Variants in TBCK observed in about 807,000 individuals in gnomAD.
The protein encoded by TBCK is TBC domain-containing protein kinase-like protein.
Under a neutral mutation model 113.4 loss-of-function variants are expected in TBCK, and 99 were observed. The ratio of observed to expected loss-of-function variants is 0.87; its 90% CI spans 0.74 to 1.03. The LOEUF is 1.03. TBCK is among the 50% of genes least tolerant of loss of function. The pLI is 0.00. For missense variants in TBCK, 1,045 were observed against 1,061.3 expected (o/e 0.98, Z 0.21); for synonymous variants, 369 against 370.8 (o/e 1.00, Z 0.05).
intron 22 of TBCK, among the ~76,000 whole-genome samples, chr4:106,188,777 GTATT>G (rs1446425709): frequency 6.6e-6 from 1 of 152,094 alleles, no homozygotes; most frequent in African/African-American, 2.4e-5. Flanking sequence ...ACTTTATAAA[GTATT>G]TACATGTTGC....
At chr4:106,104,981 G>C (rs1303671994) in intron 24 of TBCK, among the ~76,000 whole-genome samples, 2 of 152,172 alleles carry the variant, frequency 1.3e-5, no homozygotes, top group African/African-American at 4.8e-5. Context: ...CAGGCCTGGG[G>C]TTCCAGCCAC....
chr4:106,127,986 C>T (rs1346433606), intron 23 of TBCK, among the ~76,000 whole-genome samples: 1 of 152,124 alleles, frequency 6.6e-6, no homozygotes, highest in Non-Finnish European at 1.5e-5. Flanking sequence ...CATGCGTGCA[C>T]ACACCACCCC....
At chr4:106,095,395 G>A in intron 25 of TBCK, 87 bp downstream of exon 25, 1 of 1,278,576 alleles carries the variant, frequency 7.8e-7, no homozygotes, top group South Asian at 1.7e-5. Flanking sequence ...ACCAACTCCT[G>A]AAGAAATATA....
intron 25 of TBCK, among the ~76,000 whole-genome samples, chr4:106,079,174 C>G (rs1339370697): frequency 6.6e-6 from 1 of 152,036 alleles, no homozygotes; most frequent in Non-Finnish European, 1.5e-5. Flanking sequence ...AAACATACCT[C>G]AAAATAAAAA....
chr4:106,203,479 A>T (rs1755107303), intron 20 of TBCK, among the ~76,000 whole-genome samples: 2 of 151,870 alleles, frequency 1.3e-5, no homozygotes, highest in Middle Eastern at 6.8e-3. Flanking sequence ...GTAAATGGTT[A>T]ATTTTTTTCC....
chr4:106,219,397 AAAT>A (rs941694907), intron 19 of TBCK, among the ~76,000 whole-genome samples: 13 of 151,448 alleles, frequency 8.6e-5, no homozygotes, highest in Admixed American at 8.5e-4. Flanking sequence ...AATAAAAAAT[AAAT>A]AAAAATAAAA....
At chr4:106,268,757 T>C (rs752290844) in intron 3 of TBCK, among the ~76,000 whole-genome samples, 3 of 152,130 alleles carry the variant, frequency 2.0e-5, no homozygotes, top group Non-Finnish European at 4.4e-5. Flanking sequence ...AGATTACTAC[T>C]GGCCTCAAAC....
At chr4:106,288,615 A>G (rs1765356511) in intron 3 of TBCK, among the ~76,000 whole-genome samples, 1 of 152,196 alleles carries the variant, frequency 6.6e-6, no homozygotes, top group South Asian at 2.1e-4. Flanking sequence ...CTGTTTTTCT[A>G]TCACCGAAGA....
rs190295057 is a variant in TBCK at position 106,116,477 on chromosome 4, T to C, written c.2236-99A>G. The C allele has an allele frequency of 1.9e-5, 18 of 955,494 alleles. No homozygotes were observed. In the African/African-American group the frequency reaches 2.8e-4, roughly 15 times the overall value. The allele number at this position is 955,494 out of a possible 1,614,324, so 59.2% of individuals were successfully genotyped here. On this transcript the variant is annotated intron_variant, in intron 23 of 25. Transcript: ENST00000394708. ...TCTTGATACCAAACAATACAGCATA[T>C]AAGAGAAGAGGAAACTATCTAATTT...
intron 20 of TBCK, among the ~76,000 whole-genome samples, chr4:106,206,491 A>C (rs1175087388): frequency 1.3e-5 from 2 of 152,180 alleles, no homozygotes; most frequent in Non-Finnish European, 2.9e-5. Flanking sequence ...GGTTTGTACT[A>C]ATGTTGGGGA....
chr4:106,286,504 A>G (rs543088273), intron 3 of TBCK, among the ~76,000 whole-genome samples: 1 of 152,256 alleles, frequency 6.6e-6, no homozygotes, highest in South Asian at 2.1e-4. Flanking sequence ...ATCCTTATAT[A>G]ATACAATTCA....
At chr4:106,192,014 C>A (rs914860267) in intron 22 of TBCK, among the ~76,000 whole-genome samples, 1 of 152,092 alleles carries the variant, frequency 6.6e-6, no homozygotes, top group Admixed American at 6.5e-5. Flanking sequence ...AATCGAGAAA[C>A]TTTATTCTAA....
intron 1 of TBCK, chr4:106,310,521 G>T (rs1768087045): frequency 6.6e-6 from 1 of 152,132 alleles, no homozygotes; most frequent in Non-Finnish European, 1.5e-5. Context: ...ATGAAAAAAA[G>T]AAAAAGATAA....
chr4:106,104,518 T>C (rs1327029403), intron 24 of TBCK, among the ~76,000 whole-genome samples: 1 of 152,042 alleles, frequency 6.6e-6, no homozygotes, highest in African/African-American at 2.4e-5. Context: ...TCCTCCTCAC[T>C]GGGCAGGACC....
At chr4:106,050,804 C>T (rs2149444897) in intron 25 of TBCK, among the ~76,000 whole-genome samples, 1 of 152,090 alleles carries the variant, frequency 6.6e-6, no homozygotes, top group South Asian at 2.1e-4. Context: ...GGCACAGTAT[C>T]TGGGGACTTC....
rs200345906 is a variant in TBCK, at chr4:106,046,545, T to G, written c.*25A>C. 338 of 1,332,124 alleles carry G rather than the reference T, an allele frequency of 2.5e-4. No homozygotes were observed. The highest frequency in any genetic ancestry group is 3.6e-4 in the Non-Finnish European group (330 of 925,100). 82.5% of individuals were successfully genotyped at this position (1,332,124 alleles called of 1,614,324 possible). ...CTGTTGGTGCTGATGCCACACTAAG[T>G]TTTGGCAGTCACACTCTTGGTTCTT... is the stretch of plus-strand genomic sequence containing the variant. On this transcript the variant is annotated 3_prime_UTR_variant, in exon 26 of 26. Transcript: ENST00000394708.
chr4:106,306,977 T>A (rs568371761), intron 2 of TBCK, among the ~76,000 whole-genome samples: 4 of 152,346 alleles, frequency 2.6e-5, no homozygotes, highest in African/African-American at 9.6e-5. Flanking sequence ...AATTTTTTTT[T>A]ATCATCTGCT....
chr4:106,064,946 C>T (rs918196729), intron 25 of TBCK, among the ~76,000 whole-genome samples: 2 of 151,874 alleles, frequency 1.3e-5, no homozygotes, highest in Non-Finnish European at 2.9e-5. Context: ...CTAAACATCA[C>T]GATTTACTTT....
intron 3 of TBCK, among the ~76,000 whole-genome samples, chr4:106,278,408 A>C (rs1764228903): frequency 6.6e-6 from 1 of 151,790 alleles, no homozygotes; most frequent in African/African-American, 2.4e-5. Flanking sequence ...AAATACAAAA[A>C]ATTAGCCAGG....
Sources: gnomAD v4.1 joint callset for allele counts (sites outside exome capture counted in the v4.1 genomes callset) on GRCh38, gnomAD v4.1.1 for gene constraint, MANE v1.5 for transcripts, NCBI Gene and HGNC (gene_info 2026-07-23, HGNC 2026-07-21) for gene names.